Variants in GLDC observed in about 807,000 individuals in gnomAD.
GLDC encodes the protein glycine dehydrogenase (decarboxylating), mitochondrial.
A neutral mutation model predicts 121.3 loss-of-function variants in GLDC; 104 were observed. That is an observed-to-expected ratio of 0.86 (90% confidence interval 0.73 to 1.01). The LOEUF (loss-of-function observed/expected upper bound fraction) is 1.01. GLDC is among the 50% of genes least tolerant of loss of function. The pLI is 0.00. For synonymous variants in GLDC, 546 were observed against 480.6 expected (o/e 1.14, Z -1.78); for missense variants, 1,429 against 1,306.6 (o/e 1.09, Z -1.44).
intron 15 of GLDC, among the ~76,000 whole-genome samples, chr9:6,576,316 A>G (rs1277525996): frequency 1.3e-5 from 2 of 152,170 alleles, no homozygotes; most frequent in Admixed American, 6.5e-5. Context: ...CTGTGTCCTC[A>G]CATGGTGGAA....
intron 2 of GLDC, chr9:6,639,103 A>G (rs755687568): frequency 1.4e-6 from 1 of 713,154 alleles, no homozygotes; most frequent in Non-Finnish European, 2.5e-6. Context: ...CAATCTGCCT[A>G]TTGAGAATTA....
chr9:6,569,503 T>C (rs185479375), intron 15 of GLDC: 2 of 151,754 alleles, frequency 1.3e-5, no homozygotes, highest in Admixed American at 1.3e-4. Context: ...AGTACAAAAA[T>C]TAGCTGGGTG....
In GLDC at chr9:6,639,668, A is replaced by ATATATATATATATAT; in HGVS notation, c.334+4945_334+4946insATATATATATATATA. 30 of 250,560 alleles carry ATATATATATATATAT rather than the reference A, an allele frequency of 1.2e-4. No homozygotes were observed. In the African/African-American group the frequency reaches 1.2e-3, roughly 10 times the overall value. 15.5% of individuals were successfully genotyped at this position (250,560 alleles called of 1,614,324 possible). On this transcript the variant is annotated intron_variant, in intron 2 of 24. Transcript: ENST00000321612. ...ATATATCTTTTCACCATAAAAAAAA[A>ATATATATATATATAT]GTATATATATATATATATATGGACA...
chr9:6,623,630 AAG>A (rs1162954863), intron 2 of GLDC, among the ~76,000 whole-genome samples: 1 of 152,224 alleles, frequency 6.6e-6, no homozygotes, highest in Non-Finnish European at 1.5e-5. Flanking sequence ...AAAATAAAAA[AAG>A]AGAGAGATAT....
At chr9:6,560,459 T>G (rs1335155527) in intron 16 of GLDC, among the ~76,000 whole-genome samples, 1 of 152,260 alleles carries the variant, frequency 6.6e-6, no homozygotes, top group East Asian at 1.9e-4. Context: ...CACGTTGTCC[T>G]CAAATCCGTT....
rs760139834 is a variant in GLDC at position 6,594,998 on chromosome 9, C to T, written c.1261+16G>A. On this transcript the variant is annotated intron_variant, in intron 9 of 24. Coordinates refer to ENST00000321612, the MANE Select transcript of GLDC (RefSeq NM_000170.3). ...TTTTATTATGCCCAAATGTTTTAGA[C>T]AGATTACCAACTCACCTTCTGACAA... The T allele has an allele frequency of 1.4e-6, 2 of 1,437,066 alleles. No homozygotes were observed. The highest frequency in any genetic ancestry group is 2.0e-6 in the Non-Finnish European group (2 of 1,018,478). The allele number at this position is 1,437,066 out of a possible 1,614,324, so 89.0% of individuals were successfully genotyped here.
chr9:6,544,512 C>T (rs1033273998), intron 21 of GLDC, among the ~76,000 whole-genome samples: 17 of 152,082 alleles, frequency 1.1e-4, no homozygotes, highest in Admixed American at 2.6e-4. Context: ...AGTGCAGTGG[C>T]GGGCACCTGT....
At chr9:6,536,030 G>A (rs1563827435) in intron 23 of GLDC, 34 bp downstream of exon 23, 2 of 1,581,418 alleles carry the variant, frequency 1.3e-6, no homozygotes, top group South Asian at 1.1e-5. Flanking sequence ...CTAGTTTAAG[G>A]AACATTTCAA....
intron 2 of GLDC, among the ~76,000 whole-genome samples, chr9:6,620,535 C>G (rs1423807104): frequency 1.3e-5 from 2 of 151,732 alleles, no homozygotes; most frequent in Non-Finnish European, 2.9e-5. Context: ...AAGGTTGGCC[C>G]CCCCATCACT....
chr9:6,537,473 C>G (rs1383200295), intron 22 of GLDC, among the ~76,000 whole-genome samples: 1 of 152,162 alleles, frequency 6.6e-6, no homozygotes, highest in African/African-American at 2.4e-5. Flanking sequence ...CATTCTCTAC[C>G]AACATTTTAT....
intron 8 of GLDC, 76 bp from the exon 9 acceptor site, chr9:6,595,195 T>A: frequency 2.1e-6 from 2 of 966,824 alleles, no homozygotes; most frequent in Non-Finnish European, 3.4e-6. Flanking sequence ...TGACTTGGGA[T>A]GTCAAAACTG....
intron 2 of GLDC, among the ~76,000 whole-genome samples, chr9:6,634,578 G>C (rs1389217182): frequency 1.3e-5 from 2 of 151,804 alleles, no homozygotes; most frequent in East Asian, 3.9e-4. Flanking sequence ...AACCCGCCAT[G>C]CTTCTCCTGG....
At chr9:6,543,518 T>A (rs900322032) in intron 21 of GLDC, among the ~76,000 whole-genome samples, 1 of 151,968 alleles carries the variant, frequency 6.6e-6, no homozygotes, top group Non-Finnish European at 1.5e-5. Flanking sequence ...TCTGAAGAGG[T>A]CCCCACCATA....
intron 15 of GLDC, among the ~76,000 whole-genome samples, chr9:6,575,512 C>G (rs1164266242): frequency 2.0e-5 from 3 of 152,206 alleles, no homozygotes; most frequent in South Asian, 2.1e-4. Context: ...AGTAATTGCA[C>G]AAGCCCTCCA....
chr9:6,616,858 G>T (rs1017260078), intron 3 of GLDC, among the ~76,000 whole-genome samples: 1 of 152,190 alleles, frequency 6.6e-6, no homozygotes, highest in African/African-American at 2.4e-5. Flanking sequence ...AATTGGGAAA[G>T]GGGGTTATGG....
intron 4 of GLDC, among the ~76,000 whole-genome samples, chr9:6,608,255 T>C (rs1249943503): frequency 7.6e-6 from 1 of 130,802 alleles, no homozygotes; most frequent in Non-Finnish European, 1.6e-5. Flanking sequence ...CTACTAAAAA[T>C]ACAAAAAAAA....
intron 15 of GLDC, among the ~76,000 whole-genome samples, chr9:6,571,479 T>C (rs1428419487): frequency 1.3e-5 from 2 of 152,144 alleles, no homozygotes; most frequent in Non-Finnish European, 1.5e-5. Context: ...AAAATAAGGG[T>C]TCCTTGCAAT....
rs1222167512 is a variant in GLDC, at chr9:6,645,193, A to G, written c.255+52T>C. 6.6e-6 allele frequency: 10 copies of G among 1,510,498 alleles called. No homozygotes were observed. In the East Asian group the frequency reaches 2.5e-4, roughly 38 times the overall value. 93.6% of individuals were successfully genotyped at this position (1,510,498 alleles called of 1,614,324 possible). Reference sequence around the variant, plus strand: ...AGGAGCCGGGAGGCCGCGCAGGCAGAGCCCGGGCAGGGCGGAGGGGAGGCC... The same window carrying G: ...AGGAGCCGGGAGGCCGCGCAGGCAGGGCCCGGGCAGGGCGGAGGGGAGGCC... On this transcript the variant is annotated intron_variant, in intron 1 of 24. Transcript: ENST00000321612.
At chr9:6,634,971 C>A (rs749940547) in intron 2 of GLDC, among the ~76,000 whole-genome samples, 31 of 152,184 alleles carry the variant, frequency 2.0e-4, no homozygotes, top group Non-Finnish European at 3.8e-4. Context: ...TCTGAGCCCT[C>A]CATATTGTGG....
Sources: allele counts gnomAD v4.1 joint callset (sites outside exome capture counted in the v4.1 genomes callset), GRCh38; gene constraint gnomAD v4.1.1; transcripts MANE v1.5; gene names NCBI Gene and HGNC (gene_info 2026-07-23, HGNC 2026-07-21).